Variants in ATG13 observed in about 807,000 individuals in gnomAD.
The protein encoded by ATG13 is autophagy-related protein 13.
In ATG13, 23 loss-of-function variants were observed where a neutral mutation model predicts 65.5. The ratio of observed to expected loss-of-function variants is 0.35; its 90% confidence interval spans 0.25 to 0.50. ATG13 has a LOEUF of 0.50. Among genes scored for constraint, ATG13 ranks in the 20% least tolerant of loss-of-function variants. The pLI is 0.98. For synonymous variants in ATG13, 252 were observed against 245.2 expected (o/e 1.03, Z -0.26); for missense variants, 566 against 677.0 (o/e 0.84, Z 1.82).
In ATG13 at chr11:46,617,564, A is replaced by C; in HGVS notation, c.-396A>C. The C allele has an allele frequency of 1.0e-5, 1 of 96,394 alleles. No homozygotes were observed. Among genetic ancestry groups the C allele is most frequent in the Non-Finnish European group, 1.8e-5 (1 of 54,902 alleles). 6.0% of individuals were successfully genotyped at this position (96,394 alleles called of 1,614,324 possible). ...CACCCCCCCCCCCCGGCCATTACCG[A>C]AGCGGATGAAAACAAACACTAACGA... On this transcript the variant is annotated 5_prime_UTR_variant, in exon 1 of 19. Transcript: ENST00000683050.
At chr11:46,647,295 T>G (rs1194560637) in intron 5 of ATG13, among the ~76,000 whole-genome samples, 90 of 78,746 alleles carry the variant, frequency 1.1e-3, no homozygotes, top group Non-Finnish European at 2.2e-3. Flanking sequence ...TTTTTTTTGT[T>G]TTTTTTTTTT....
At position 46,673,964 on chromosome 11, in the gene ATG13, G is replaced by GTGC. The variant is rs1422763863; in HGVS notation, c.*1642_*1644dup. 2.6e-5 allele frequency: 4 copies of GTGC among 152,336 alleles called. No individual in the cohort carries two copies. In the East Asian group the frequency reaches 7.7e-4, roughly 29 times the overall value. 9.4% of individuals were successfully genotyped at this position (152,336 alleles called of 1,614,324 possible). On this transcript the variant is annotated 3_prime_UTR_variant, in exon 19 of 19. Coordinates refer to ENST00000683050, the MANE Select transcript of ATG13 (RefSeq NM_001346311.2). ...GCTCTGGCGGGGACCAGAGCTCTGC[G>GTGC]TGCTGCTGCTGCCACCAAGAAGTGT... is the stretch of plus-strand genomic sequence containing the variant.
intron 3 of ATG13, 97 bp downstream of exon 3, chr11:46,644,457 T>C (rs542798798): frequency 1.9e-6 from 2 of 1,068,296 alleles, no homozygotes; most frequent in East Asian, 2.5e-5. Context: ...GCATAACAGC[T>C]TGCAGCTTGC....
chr11:46,655,694 C>CAG (rs2059907329), intron 7 of ATG13, among the ~76,000 whole-genome samples: 1 of 152,194 alleles, frequency 6.6e-6, no homozygotes, highest in African/African-American at 2.4e-5. Context: ...ATTTTAGTAG[C>CAG]AGAGAGAAGA....
rs73451811 is a variant in ATG13, at chr11:46,617,973, G to T, written c.-70+83G>T. 5.7e-3 allele frequency: 2,256 copies of T among 398,946 alleles called. 56 individuals carry two copies. Among genetic ancestry groups the T allele is most frequent in the African/African-American group, 0.042 (2,052 of 48,758 alleles). 24.7% of individuals were successfully genotyped at this position (398,946 alleles called of 1,614,324 possible). On this transcript the variant is annotated intron_variant, in intron 1 of 18. Transcript: ENST00000683050. ...GTGGATCTGCGGCCCCTTGGCTGCTGCTTCGTGGAAGTAGAAGGGATTAGC... is the reference window on the plus strand; with the variant it reads ...GTGGATCTGCGGCCCCTTGGCTGCTTCTTCGTGGAAGTAGAAGGGATTAGC...
chr11:46,663,945 C>CTTT (rs953835564), intron 11 of ATG13, 52 bp from the exon 12 acceptor site: 413 of 763,320 alleles, frequency 5.4e-4, no homozygotes, highest in South Asian at 1.3e-3. Context: ...AGTCCCTTTT[C>CTTT]TTTTTTTTTT....
chr11:46,658,572 G>A (rs1264256087), intron 10 of ATG13, among the ~76,000 whole-genome samples: 2 of 143,570 alleles, frequency 1.4e-5, no homozygotes, highest in Non-Finnish European at 3.0e-5. Flanking sequence ...TTTCACTCTT[G>A]TTGTCCAGGC....
At position 46,667,852 on chromosome 11, in the gene ATG13, A is replaced by G; in HGVS notation, c.1216A>G (p.Lys406Glu). The G allele has an allele frequency of 4.3e-6, 7 of 1,613,004 alleles. No individual in the cohort carries two copies. Among genetic ancestry groups the G allele is most frequent in the Non-Finnish European group, 5.9e-6 (7 of 1,179,016 alleles). Residue 406 changes from lysine to glutamate, a missense_variant, in exon 15 of 19, where the codon AAA (lysine) becomes GAA (glutamate). Lys to Glu is a moderately conservative substitution (Grantham distance 56). Transcript: ENST00000683050. ...TGTCTTGGAGACCATCTTTGTCCGA[A>G]AAGTGGGGGCTTTTGTCAACAAACC... The part of the protein sequence containing the change: ...HDVLETIFVR[K>E]VGAFVNKPIN...
chr11:46,656,904 T>C, intron 8 of ATG13, 191 bp from the exon 9 acceptor site: 2 of 552,272 alleles, frequency 3.6e-6, no homozygotes, highest in Non-Finnish European at 6.5e-6. Flanking sequence ...AAGAAACCTA[T>C]ATATACACAC....
chr11:46,663,960 T>TTTTTTTTTTTTTTC, intron 11 of ATG13, 37 bp from the exon 12 acceptor site: 2 of 1,243,410 alleles, frequency 1.6e-6, no homozygotes, highest in Non-Finnish European at 1.1e-6. Context: ...TTTTTTTTTT[T>TTTTTTTTTTTTTTC]TTTGTTTCTC....
chr11:46,638,051 GC>G (rs2054596072), intron 2 of ATG13, among the ~76,000 whole-genome samples: 1 of 152,168 alleles, frequency 6.6e-6, no homozygotes, highest in Non-Finnish European at 1.5e-5. Context: ...GTGTTTTGAT[GC>G]ATGTCTAAAT....
rs778057606 is a variant in ATG13 at position 46,666,574 on chromosome 11, C to T, written c.1136+1055C>T. On this transcript the variant is annotated intron_variant, in intron 14 of 18. Transcript: ENST00000683050. Reference sequence around the variant, plus strand: ...TAGGAAGTGAACGTTCTCATATTTCCACCCTGCAGAAGTCACCACTGTTAC... The same window carrying T: ...TAGGAAGTGAACGTTCTCATATTTCTACCCTGCAGAAGTCACCACTGTTAC... Among the ~76,000 whole-genome samples, 71 of 152,176 alleles carry T rather than the reference C, an allele frequency of 4.7e-4. 2 individuals carry two copies. The highest frequency in any genetic ancestry group is 4.9e-4 in the Non-Finnish European group (33 of 68,030).
At chr11:46,659,963 T>G (rs1403586092) in intron 11 of ATG13, 1 of 153,734 alleles carries the variant, frequency 6.5e-6, no homozygotes, top group African/African-American at 2.4e-5. Flanking sequence ...ATCCAGACAT[T>G]TTTAACCATT....
rs548682948 is a variant in ATG13, at chr11:46,670,096, T to C, written c.1575+564T>C. Among the ~76,000 whole-genome samples the C allele has an allele frequency of 3.3e-5, 5 of 152,312 alleles. No individual in the cohort carries two copies. In the East Asian group the frequency reaches 9.7e-4, roughly 29 times the overall value. ...GCCCCATGCCAGGAGATGTCCCTCT[T>C]TGAGGTGGAATGATCACCTCCTAAA... On this transcript the variant is annotated intron_variant, in intron 18 of 18. Coordinates refer to ENST00000683050, the MANE Select transcript of ATG13 (RefSeq NM_001346311.2).
chr11:46,672,357 C>A lies in ATG13; in HGVS notation c.*25C>A, dbSNP rs781183238. 3 of 1,614,062 alleles carry A rather than the reference C, an allele frequency of 1.9e-6. No homozygotes were observed. In the South Asian group the frequency reaches 3.3e-5, roughly 18 times the overall value. ...AAAGTATCCTTGAGTCCCAGCAGCA[C>A]CCCCTTTTTGTGGCCCCAGGGCATA... On this transcript the variant is annotated 3_prime_UTR_variant, in exon 19 of 19. Coordinates refer to ENST00000683050, the MANE Select transcript of ATG13 (RefSeq NM_001346311.2).
intron 2 of ATG13, among the ~76,000 whole-genome samples, chr11:46,642,101 G>A (rs778091059): frequency 1.3e-4 from 20 of 151,762 alleles, no homozygotes; most frequent in Admixed American, 2.0e-4. Context: ...AAAATTTAAC[G>A]TGTACCCATT....
At position 46,664,841 on chromosome 11, in the gene ATG13, T is replaced by C. The variant is rs1037571101; in HGVS notation, c.889-8T>C. ...TCCTTTTCTCCTCTTTGTTTTTCTC[T>C]TGCTTAGCTCTCAAGCTCTCGCCTT... On this transcript the variant is annotated splice_polypyrimidine_tract_variant and splice_region_variant and intron_variant, in intron 12 of 18. Transcript: ENST00000683050. 1 of 1,611,158 alleles carries C rather than the reference T, an allele frequency of 6.2e-7. No homozygotes were observed. The highest frequency in any genetic ancestry group is 1.7e-5 in the Admixed American group (1 of 59,642).
Position 46,672,747 on chromosome 11 carries a change from A to G in ATG13, c.*415A>G. The G allele has an allele frequency of 8.1e-7, 1 of 1,238,892 alleles. No homozygotes were observed. Among genetic ancestry groups the G allele is most frequent in the Non-Finnish European group, 1.0e-6 (1 of 975,564 alleles). 76.7% of individuals were successfully genotyped at this position (1,238,892 alleles called of 1,614,324 possible). ...CTGTTTGACATTCCAGCTGGTGGCC[A>G]AGAGATTGGTGTGGAGTCGCAGAAA... On this transcript the variant is annotated 3_prime_UTR_variant, in exon 19 of 19. Coordinates refer to ENST00000683050, the MANE Select transcript of ATG13 (RefSeq NM_001346311.2).
intron 2 of ATG13, 48 bp from the exon 3 acceptor site, chr11:46,644,231 T>A: frequency 7.5e-7 from 1 of 1,339,598 alleles, no homozygotes; most frequent in Non-Finnish European, 1.0e-6. Context: ...GATGTATCAA[T>A]GCCTTTTTAA....
Sources: gnomAD v4.1 joint callset for allele counts (sites outside exome capture counted in the v4.1 genomes callset) on GRCh38, gnomAD v4.1.1 for gene constraint, MANE v1.5 for transcripts, NCBI Gene and HGNC (gene_info 2026-07-23, HGNC 2026-07-21) for gene names.